The following MYCT1 variants were observed in gnomAD, a reference collection of about 807,000 sequenced individuals.
MYCT1 encodes the protein MYC target 1.
In MYCT1, 12 loss-of-function variants were observed where a neutral mutation model predicts 15.0. That is an observed-to-expected ratio of 0.80 (90% CI 0.51 to 1.29). The LOEUF is 1.29. Among genes scored for constraint, MYCT1 ranks in the 50% most tolerant of loss-of-function variants. The pLI is 0.00. For synonymous variants in MYCT1, 104 were observed against 102.7 expected, an observed-to-expected ratio of 1.01 and a Z score of -0.07; for missense variants, 287 against 279.1, an observed-to-expected ratio of 1.03 and a Z score of -0.20.
At chr6:152,741,723 G>A in the MYCT1 span, among the ~76,000 whole-genome samples, 1 of 151,988 alleles carries the variant, frequency 6.6e-6, no homozygotes, top group Admixed American at 6.6e-5. Context: ...ACAAGACCTG[G>A]AAAAACATTT....
the MYCT1 span, among the ~76,000 whole-genome samples, chr6:152,736,811 G>C: frequency 6.6e-6 from 1 of 152,082 alleles, no homozygotes; most frequent in Non-Finnish European, 1.5e-5. Flanking sequence ...AACATATGCT[G>C]TAAGAATCAG....
chr6:152,735,541 T>G, the MYCT1 span, among the ~76,000 whole-genome samples: 1 of 152,108 alleles, frequency 6.6e-6, no homozygotes, highest in Non-Finnish European at 1.5e-5. Context: ...GACATTGATG[T>G]TTAGAGGTAA....
At position 152,722,621 on chromosome 6, in the gene MYCT1, A is replaced by T. The variant is rs2099724920; in HGVS notation, c.*368A>T. ...ACAATCCTCATTTACTTCCAATGTG[A>T]CTAAAAAGAGAAAAAAAATCACTGT... is the stretch of plus-strand genomic sequence containing the variant. On this transcript the variant is annotated 3_prime_UTR_variant, in exon 2 of 2. Coordinates refer to ENST00000367245, the MANE Select transcript of MYCT1 (RefSeq NM_025107.3). 4.1e-6 allele frequency: 1 copy of T among 246,616 alleles called. No individual in the cohort carries two copies. Among genetic ancestry groups the T allele is most frequent in the African/African-American group, 2.3e-5 (1 of 44,330 alleles). The allele number at this position is 246,616 out of a possible 1,614,324, so 15.3% of individuals were successfully genotyped here.
chr6:152,746,672 C>T, the MYCT1 span, among the ~76,000 whole-genome samples: 1 of 152,178 alleles, frequency 6.6e-6, no homozygotes, highest in African/African-American at 2.4e-5. Context: ...TCAACTTCCA[C>T]ATCTTAGTAT....
chr6:152,738,745 G>C, the MYCT1 span, among the ~76,000 whole-genome samples: 2 of 152,024 alleles, frequency 1.3e-5, no homozygotes, highest in African/African-American at 2.4e-5. Flanking sequence ...AGCACATTTA[G>C]CTACCATTTG....
intron 1 of MYCT1, among the ~76,000 whole-genome samples, chr6:152,704,510 T>C (rs2099721922): frequency 6.6e-6 from 1 of 152,124 alleles, no homozygotes; most frequent in South Asian, 2.1e-4. Context: ...GGGTACAGAG[T>C]GAAACACCAA....
At chr6:152,728,110 G>A (rs947929176), downstream of MYCT1, among the ~76,000 whole-genome samples, 6 of 151,538 alleles carry the variant, frequency 4.0e-5, no homozygotes, top group Non-Finnish European at 8.8e-5. Flanking sequence ...GTTGCAATGA[G>A]CCGAGATCAT....
At chr6:152,745,171 G>A in the MYCT1 span, among the ~76,000 whole-genome samples, 122 of 152,276 alleles carry the variant, frequency 8.0e-4, no homozygotes, top group African/African-American at 2.8e-3. Context: ...ACACTAAGTA[G>A]GATATAGGGT....
intron 1 of MYCT1, among the ~76,000 whole-genome samples, chr6:152,714,253 A>G (rs906313433): frequency 1.0e-4 from 12 of 116,926 alleles, no homozygotes; most frequent in African/African-American, 2.5e-4. Context: ...ATTCATTTTT[A>G]TTAGATTTTT....
chr6:152,720,566 G>A (rs1427541719), intron 1 of MYCT1, among the ~76,000 whole-genome samples: 2 of 152,184 alleles, frequency 1.3e-5, no homozygotes, highest in Non-Finnish European at 2.9e-5. Context: ...TCTAGGAAAT[G>A]TAGGAGTCTT....
At chr6:152,740,048 ATTATTGTTATTATTT>A in the MYCT1 span, among the ~76,000 whole-genome samples, 11 of 151,434 alleles carry the variant, frequency 7.3e-5, no homozygotes, top group African/African-American at 2.7e-4. Flanking sequence ...TGTTATTATT[ATTATTGTTATTATTT>A]GCGATGGAGT....
chr6:152,713,934 T>C (rs1273090854), intron 1 of MYCT1, among the ~76,000 whole-genome samples: 2 of 152,148 alleles, frequency 1.3e-5, no homozygotes, highest in Non-Finnish European at 2.9e-5. Context: ...GTTCTTTTCT[T>C]CCAGGTCTCA....
At position 152,723,919 on chromosome 6, in the gene MYCT1, G is replaced by A. The variant is rs1483270301; in HGVS notation, c.*1666G>A. ...ACCCTCTTTTTCATTTCCTATTGCAGTGGTCACAGCTAATAGTGTCTGAAC... is the reference window on the plus strand; with the variant it reads ...ACCCTCTTTTTCATTTCCTATTGCAATGGTCACAGCTAATAGTGTCTGAAC... On this transcript the variant is annotated 3_prime_UTR_variant, in exon 2 of 2. Coordinates refer to ENST00000367245, the MANE Select transcript of MYCT1 (RefSeq NM_025107.3). 6.6e-6 allele frequency: 1 copy of A among 152,132 alleles called. No individual in the cohort carries two copies. The highest frequency in any genetic ancestry group is 2.4e-5 in the African/African-American group (1 of 41,424). 9.4% of individuals were successfully genotyped at this position (152,132 alleles called of 1,614,324 possible). A position where few individuals can be genotyped will look rare whatever the true frequency, so the allele number is the denominator to read the frequency against.
downstream of MYCT1, among the ~76,000 whole-genome samples, chr6:152,725,862 G>C (rs1207063194): frequency 6.6e-6 from 1 of 152,092 alleles, no homozygotes; most frequent in African/African-American, 2.4e-5. Flanking sequence ...AGAGCATTCC[G>C]TATCAGATGT....
At chr6:152,732,798 T>C in the MYCT1 span, among the ~76,000 whole-genome samples, 1 of 152,312 alleles carries the variant, frequency 6.6e-6, no homozygotes, top group Non-Finnish European at 1.5e-5. Context: ...CTAGAAATAC[T>C]GATCTTGAAT....
At chr6:152,698,126 A>AT in intron 1 of MYCT1, 28 bp downstream of exon 1, 4 of 1,382,516 alleles carry the variant, frequency 2.9e-6, no homozygotes, top group Non-Finnish European at 1.9e-6. Flanking sequence ...ACTGTTTAAA[A>AT]TTTAAAATTA....
intron 1 of MYCT1, among the ~76,000 whole-genome samples, chr6:152,717,888 T>A (rs188244034): frequency 1.3e-5 from 2 of 152,168 alleles, no homozygotes; most frequent in Non-Finnish European, 2.9e-5. Context: ...TAATTTCCGT[T>A]GCACCCCCAT....
chr6:152,719,631 G>A (rs1011920061), intron 1 of MYCT1, among the ~76,000 whole-genome samples: 9 of 152,144 alleles, frequency 5.9e-5, no homozygotes, highest in African/African-American at 1.4e-4. Flanking sequence ...TGTGAAAGTA[G>A]GACACAATAA....
intron 1 of MYCT1, among the ~76,000 whole-genome samples, chr6:152,718,394 C>T (rs2099724110): frequency 6.6e-6 from 1 of 151,948 alleles, no homozygotes; most frequent in Non-Finnish European, 1.5e-5. Flanking sequence ...TGCTAATATA[C>T]TCAATTGCTG....
Sources: allele counts gnomAD v4.1 joint callset (sites outside exome capture counted in the v4.1 genomes callset), GRCh38; gene constraint gnomAD v4.1.1; transcripts MANE v1.5; gene names NCBI Gene and HGNC (gene_info 2026-07-23, HGNC 2026-07-21).